The following SNX6 variants were observed in gnomAD, a reference collection of about 807,000 sequenced individuals.
The protein encoded by SNX6 is sorting nexin 6.
SNX6 carries 34 observed loss-of-function variants against 63.0 expected under a neutral mutation model. The ratio of observed to expected loss-of-function variants is 0.54; its 90% CI spans 0.41 to 0.72. The LOEUF is 0.72. Ranked by LOEUF, SNX6 falls within the 30% of genes least tolerant of loss-of-function variation. SNX6 has a pLI of 0.00. For missense variants in SNX6, 398 were observed against 471.4 expected (o/e 0.84, Z 1.44); for synonymous variants, 170 against 164.2 (o/e 1.04, Z -0.27).
chr14:34,573,784 A>G (rs1881562345), intron 11 of SNX6, among the ~76,000 whole-genome samples: 1 of 151,714 alleles, frequency 6.6e-6, no homozygotes, highest in Admixed American at 6.6e-5. Context: ...CTGTGATTAC[A>G]GGTGCCTGCT....
intron 7 of SNX6, among the ~76,000 whole-genome samples, chr14:34,594,934 A>C (rs1882539868): frequency 6.6e-6 from 1 of 151,942 alleles, no homozygotes; most frequent in Admixed American, 6.6e-5. Context: ...TCTACAAAAA[A>C]TACAAAAATT....
intron 2 of SNX6, among the ~76,000 whole-genome samples, chr14:34,623,106 T>C (rs559393685): frequency 3.3e-5 from 5 of 152,334 alleles, no homozygotes; most frequent in African/African-American, 1.2e-4. Flanking sequence ...CTTTGTCTTA[T>C]TGATCTTTTT....
intron 7 of SNX6, among the ~76,000 whole-genome samples, chr14:34,596,593 T>C (rs964722908): frequency 7.2e-6 from 1 of 137,954 alleles, no homozygotes; most frequent in Non-Finnish European, 1.5e-5. Context: ...CACTCCAGCC[T>C]GGGCAACAAA....
intron 2 of SNX6, among the ~76,000 whole-genome samples, chr14:34,625,897 T>G (rs892258977): frequency 5.3e-5 from 8 of 152,160 alleles, no homozygotes; most frequent in Admixed American, 4.6e-4. Context: ...GATTTTCAAA[T>G]GCACCAGGTA....
chr14:34,627,492 T>G (rs964712985), intron 2 of SNX6, among the ~76,000 whole-genome samples: 1 of 152,086 alleles, frequency 6.6e-6, no homozygotes, highest in African/African-American at 2.4e-5. Context: ...TTTTCTTTTT[T>G]TGAGATGGAG....
In SNX6 at chr14:34,562,591, A is replaced by G. The variant is rs934723253; in HGVS notation, c.*531T>C. On this transcript the variant is annotated 3_prime_UTR_variant, in exon 14 of 14. Transcript: ENST00000362031. ...CAGAAATCATACTTATAAAGATTAC[A>G]TAAAATCTGTCCCAAAACGTCTAAG... 6.5e-6 allele frequency: 1 copy of G among 152,728 alleles called. No individual in the cohort carries two copies. The highest frequency in any genetic ancestry group is 2.4e-5 in the African/African-American group (1 of 41,466). 9.5% of individuals were successfully genotyped at this position (152,728 alleles called of 1,614,324 possible).
At chr14:34,589,356 G>A (rs1007788829) in intron 8 of SNX6, among the ~76,000 whole-genome samples, 1 of 152,120 alleles carries the variant, frequency 6.6e-6, no homozygotes, top group Non-Finnish European at 1.5e-5. Context: ...TCATGAGGCT[G>A]AGGCAGAACT....
At chr14:34,609,779 GT>G in intron 2 of SNX6, 37 bp from the exon 3 acceptor site, 1 of 1,348,390 alleles carries the variant, frequency 7.4e-7, no homozygotes, top group Non-Finnish European at 1.0e-6. Flanking sequence ...TGAAAATCAT[GT>G]TTTATATAAT....
At chr14:34,584,934 C>G (rs567185307) in intron 9 of SNX6, among the ~76,000 whole-genome samples, 109 of 151,960 alleles carry the variant, frequency 7.2e-4, no homozygotes, top group African/African-American at 2.6e-3. Flanking sequence ...CTCAACGCAA[C>G]CTTCGTCTCC....
chr14:34,598,120 T>A (rs953388657), intron 6 of SNX6, among the ~76,000 whole-genome samples: 2 of 152,306 alleles, frequency 1.3e-5, no homozygotes, highest in African/African-American at 4.8e-5. Flanking sequence ...AAGTATCTCA[T>A]CTGGCTTTTG....
intron 11 of SNX6, chr14:34,569,071 G>T: frequency 1.7e-6 from 2 of 1,148,044 alleles, no homozygotes; most frequent in Non-Finnish European, 1.3e-6. Context: ...TCTGAGGAAG[G>T]CTGCCAGAGC....
chr14:34,566,156 A>C (rs999068961), intron 13 of SNX6, among the ~76,000 whole-genome samples: 5 of 152,244 alleles, frequency 3.3e-5, no homozygotes, highest in Non-Finnish European at 7.3e-5. Context: ...CAGTAAGAGT[A>C]ATAATGTCAA....
At chr14:34,618,067 T>C (rs1566492394) in intron 2 of SNX6, among the ~76,000 whole-genome samples, 1 of 152,116 alleles carries the variant, frequency 6.6e-6, no homozygotes, top group Admixed American at 6.6e-5. Flanking sequence ...GATGAGTGGA[T>C]GGGATGGGGC....
At chr14:34,565,529 T>C (rs939447223) in intron 13 of SNX6, among the ~76,000 whole-genome samples, 1 of 152,152 alleles carries the variant, frequency 6.6e-6, no homozygotes, top group African/African-American at 2.4e-5. Context: ...TTTGTTTTTA[T>C]TTTTAGACAC....
intron 8 of SNX6, among the ~76,000 whole-genome samples, chr14:34,588,229 G>T (rs1351262163): frequency 6.6e-6 from 1 of 151,976 alleles, no homozygotes; most frequent in Non-Finnish European, 1.5e-5. Flanking sequence ...GGATGGTATC[G>T]ATCTCTTGAC....
intron 10 of SNX6, among the ~76,000 whole-genome samples, chr14:34,579,052 C>T (rs1416332676): frequency 6.7e-6 from 1 of 149,410 alleles, no homozygotes; most frequent in Admixed American, 6.8e-5. Flanking sequence ...TGTAGAACAA[C>T]CTAAATGCTC....
intron 2 of SNX6, among the ~76,000 whole-genome samples, chr14:34,610,993 A>G (rs72675227): frequency 0.025 from 3,722 of 150,830 alleles, 56 homozygotes; most frequent in Middle Eastern, 0.058. Context: ...GTGTGTGTGT[A>G]TATATATATA....
At chr14:34,627,418 G>A (rs1883869757) in intron 2 of SNX6, among the ~76,000 whole-genome samples, 1 of 151,766 alleles carries the variant, frequency 6.6e-6, no homozygotes, top group Non-Finnish European at 1.5e-5. Flanking sequence ...CTGCAGTCGG[G>A]CCTTCGGCCT....
At chr14:34,596,760 G>A (rs190391514) in intron 7 of SNX6, among the ~76,000 whole-genome samples, 9 of 149,804 alleles carry the variant, frequency 6.0e-5, no homozygotes, top group Non-Finnish European at 1.2e-4. Flanking sequence ...CTCAGCTCAC[G>A]GCAACCTCCG....
Sources: allele counts gnomAD v4.1 joint callset (sites outside exome capture counted in the v4.1 genomes callset), GRCh38; gene constraint gnomAD v4.1.1; transcripts MANE v1.5; gene names NCBI Gene and HGNC (gene_info 2026-07-23, HGNC 2026-07-21).